NRN1: variants seen among roughly 807,000 people sequenced by gnomAD.
The protein encoded by NRN1 is neuritin.
A neutral mutation model predicts 15.0 loss-of-function variants in NRN1; 4 were observed. The ratio of observed to expected loss-of-function variants is 0.27; its 90% CI spans 0.13 to 0.61. NRN1 has a LOEUF of 0.61. NRN1 is among the 20% of genes least tolerant of loss of function. The probability of loss-of-function intolerance (pLI) is 0.87; values close to 1 mark genes in which losing one functional copy is unlikely to be tolerated. For synonymous variants in NRN1, 85 were observed against 79.8 expected, an observed-to-expected ratio of 1.07 and a Z score of -0.35; for missense variants, 134 against 181.9, an observed-to-expected ratio of 0.74 and a Z score of 1.51.
chr6:6,007,239 C>T (rs990694627), upstream of NRN1, among the ~76,000 whole-genome samples: 3 of 152,004 alleles, frequency 2.0e-5, no homozygotes, highest in East Asian at 1.9e-4. Flanking sequence ...TCCGGGGGCC[C>T]CCCAGCCCCG....
chr6:6,006,568 C>A, intron 1 of NRN1, 127 bp downstream of exon 1: 1 of 813,660 alleles, frequency 1.2e-6, no homozygotes, highest in Non-Finnish European at 2.1e-6. Flanking sequence ...ATGCCCCCAC[C>A]CTCGGGGGAT....
intron 1 of NRN1, among the ~76,000 whole-genome samples, chr6:6,004,921 C>T (rs1266196025): frequency 6.6e-6 from 1 of 152,084 alleles, no homozygotes; most frequent in African/African-American, 2.4e-5. Context: ...ACCTCCCCGC[C>T]CCTCCCAACC....
chr6:6,002,286 C>G (rs1468878023), intron 2 of NRN1, 67 bp downstream of exon 2: 2 of 1,571,600 alleles, frequency 1.3e-6, no homozygotes, highest in Non-Finnish European at 1.7e-6. Context: ...GGCGGGGAGG[C>G]TCGGCACTCT....
rs1231950995 is a variant in NRN1, at chr6:5,998,758, C to T, written c.*218G>A. ...GACTAAAGCTGAGGTCCGATTTTGG[C>T]TGTGCTTGCTTGCTCACTGATTGGT... is the stretch of plus-strand genomic sequence containing the variant. On this transcript the variant is annotated 3_prime_UTR_variant, in exon 3 of 3. Transcript: ENST00000244766. The T allele has an allele frequency of 7.4e-6, 4 of 537,078 alleles. No homozygotes were observed. The highest frequency in any genetic ancestry group is 1.3e-5 in the Non-Finnish European group (4 of 302,578). The allele number at this position is 537,078 out of a possible 1,614,324, so 33.3% of individuals were successfully genotyped here.
intron 1 of NRN1, chr6:6,003,233 C>A: frequency 8.1e-7 from 1 of 1,234,530 alleles, no homozygotes; most frequent in Non-Finnish European, 1.0e-6. Context: ...GGAAAGAGGG[C>A]AGCCTGGACG....
intron 1 of NRN1, among the ~76,000 whole-genome samples, chr6:6,004,716 G>C (rs1468683421): frequency 6.6e-6 from 1 of 152,196 alleles, no homozygotes. Flanking sequence ...CCAGCAGGTC[G>C]CAGCCCGTGG....
At chr6:6,006,384 G>T (rs943291487) in intron 1 of NRN1, among the ~76,000 whole-genome samples, 30 of 152,134 alleles carry the variant, frequency 2.0e-4, no homozygotes, top group African/African-American at 7.0e-4. Context: ...GCCCCAGAGC[G>T]CACCAAACCT....
intron 2 of NRN1, among the ~76,000 whole-genome samples, chr6:5,999,500 C>T (rs1757873503): frequency 6.6e-6 from 1 of 152,268 alleles, no homozygotes; most frequent in Non-Finnish European, 1.5e-5. Flanking sequence ...GGCCGTGCAC[C>T]CGCTGTGGCG....
intron 1 of NRN1, chr6:6,003,727 C>A: frequency 3.2e-6 from 4 of 1,234,310 alleles, no homozygotes; most frequent in Non-Finnish European, 4.0e-6. Flanking sequence ...GCGGCTGTGG[C>A]CATCTCTTTC....
chr6:6,001,241 G>A (rs943149931), intron 2 of NRN1, among the ~76,000 whole-genome samples: 24 of 152,260 alleles, frequency 1.6e-4, no homozygotes, highest in Non-Finnish European at 5.9e-5. Flanking sequence ...GCCCCAGTTG[G>A]GGAGTGAGGA....
intron 2 of NRN1, among the ~76,000 whole-genome samples, chr6:6,000,818 G>A (rs1364818370): frequency 6.8e-6 from 1 of 146,188 alleles, no homozygotes; most frequent in African/African-American, 2.5e-5. Flanking sequence ...CTGGGGCTGG[G>A]CAGAAGTGGG....
chr6:6,000,893 G>C (rs571923192), intron 2 of NRN1, among the ~76,000 whole-genome samples: 2 of 152,080 alleles, frequency 1.3e-5, no homozygotes, highest in East Asian at 1.9e-4. Flanking sequence ...GCCGTGGCCT[G>C]TGACCTCAGG....
chr6:6,003,121 C>T, intron 1 of NRN1: 1 of 1,064,440 alleles, frequency 9.4e-7, no homozygotes, highest in Non-Finnish European at 1.2e-6. Context: ...CTGGAAGCCA[C>T]CAGCAGTTAC....
At chr6:6,006,940 AG>A, upstream of NRN1, 1 of 149,720 alleles carries the variant, frequency 6.7e-6, no homozygotes, top group Non-Finnish European at 1.3e-5. Flanking sequence ...AGAGAGAGAA[AG>A]AGAGAGAGAG....
chr6:6,007,261 C>A (rs950491170), upstream of NRN1, among the ~76,000 whole-genome samples: 1 of 151,854 alleles, frequency 6.6e-6, no homozygotes, highest in African/African-American at 2.4e-5. Flanking sequence ...CGCCTCCCTG[C>A]GCAGAACAGG....
chr6:6,000,755 G>A, intron 2 of NRN1, among the ~76,000 whole-genome samples: 1 of 38,070 alleles, frequency 2.6e-5, no homozygotes, highest in Admixed American at 3.9e-4. Context: ...TTTTATGTAC[G>A]CCCAGATGAG....
intron 1 of NRN1, chr6:6,003,638 A>AAGCCCCC (rs1758028104): frequency 3.6e-6 from 4 of 1,107,320 alleles, no homozygotes; most frequent in Middle Eastern, 2.4e-4. Flanking sequence ...TCCAAGCCCC[A>AAGCCCCC]AGCCCCCAAG....
chr6:6,006,648 G>T, intron 1 of NRN1, 47 bp downstream of exon 1: 1 of 1,599,210 alleles, frequency 6.3e-7, no homozygotes. Flanking sequence ...GGCCGGGGCA[G>T]GCTGCCTCCC....
At position 6,006,906 on chromosome 6, in the gene NRN1, C is replaced by A. The variant is rs1282138161; in HGVS notation, c.-157G>T. ...AGAGGGAGGAGAGAAAGAGAGGGAG[C>A]GAGGAAGAGACAGAAAGAGAGAGAG... On this transcript the variant is annotated 5_prime_UTR_variant, in exon 1 of 3. Transcript: ENST00000244766. 1.2e-3 allele frequency: 394 copies of A among 319,256 alleles called. No individual in the cohort carries two copies. The highest frequency in any genetic ancestry group is 2.0e-3 in the Middle Eastern group (4 of 2,012). The allele number at this position is 319,256 out of a possible 1,614,324, so 19.8% of individuals were successfully genotyped here.
Sources: gnomAD v4.1 joint callset for allele counts (sites outside exome capture counted in the v4.1 genomes callset) on GRCh38, gnomAD v4.1.1 for gene constraint, MANE v1.5 for transcripts, NCBI Gene and HGNC (gene_info 2026-07-23, HGNC 2026-07-21) for gene names.